DOK6: variants seen among roughly 807,000 people sequenced by gnomAD.
DOK6 encodes the protein downstream of tyrosine kinase 6.
In DOK6, 22 loss-of-function variants were observed where a neutral mutation model predicts 44.0. The ratio of observed to expected loss-of-function variants is 0.50; its 90% confidence interval spans 0.36 to 0.71. DOK6 has a LOEUF of 0.71. Ranked by LOEUF, DOK6 falls within the 30% of genes least tolerant of loss-of-function variation. DOK6 has a pLI of 0.00. For synonymous variants in DOK6, 166 were observed against 145.5 expected, an observed-to-expected ratio of 1.14 and a Z score of -1.01; for missense variants, 340 against 416.4, an observed-to-expected ratio of 0.82 and a Z score of 1.60.
At chr18:69,549,434 C>G (rs12185336) in intron 1 of DOK6, among the ~76,000 whole-genome samples, 1 of 151,436 alleles carries the variant, frequency 6.6e-6, no homozygotes, top group African/African-American at 2.4e-5. Flanking sequence ...TGAGAAAATG[C>G]ATGAGATGGG....
At chr18:69,646,068 T>C (rs973164898) in intron 3 of DOK6, among the ~76,000 whole-genome samples, 1 of 152,176 alleles carries the variant, frequency 6.6e-6, no homozygotes, top group Non-Finnish European at 1.5e-5. Context: ...TTCTCTGCAG[T>C]TTTACTAGAG....
intron 1 of DOK6, among the ~76,000 whole-genome samples, chr18:69,480,806 T>C (rs1980396333): frequency 6.6e-6 from 1 of 152,102 alleles, no homozygotes; most frequent in East Asian, 1.9e-4. Flanking sequence ...CAATAATCCA[T>C]GTATGTGATA....
intron 1 of DOK6, among the ~76,000 whole-genome samples, chr18:69,542,944 T>C (rs1398651524): frequency 6.6e-6 from 1 of 151,530 alleles, no homozygotes; most frequent in Non-Finnish European, 1.5e-5. Context: ...ATACTTATTA[T>C]TGCAGTCGAT....
intron 1 of DOK6, among the ~76,000 whole-genome samples, chr18:69,492,421 T>TTA (rs1209428794): frequency 4.6e-5 from 7 of 152,084 alleles, no homozygotes; most frequent in African/African-American, 7.2e-5. Context: ...TTATTTTATT[T>TTA]TATTATTTTT....
intron 1 of DOK6, among the ~76,000 whole-genome samples, chr18:69,479,286 G>A (rs1435946876): frequency 6.6e-6 from 1 of 152,090 alleles, no homozygotes; most frequent in African/African-American, 2.4e-5. Flanking sequence ...AAAAATCAAG[G>A]AAGGGTTCTT....
intron 1 of DOK6, among the ~76,000 whole-genome samples, chr18:69,481,591 G>A (rs987217134): frequency 9.9e-4 from 151 of 152,178 alleles, no homozygotes; most frequent in African/African-American, 3.5e-3. Flanking sequence ...CATGGTGTAT[G>A]TGTGCCACAT....
intron 1 of DOK6, among the ~76,000 whole-genome samples, chr18:69,419,810 T>C (rs1978436126): frequency 6.6e-6 from 1 of 152,152 alleles, no homozygotes; most frequent in Non-Finnish European, 1.5e-5. Flanking sequence ...AATAAACATT[T>C]GTTAAATTGT....
At chr18:69,772,122 A>T (rs574246849) in intron 7 of DOK6, among the ~76,000 whole-genome samples, 1 of 152,006 alleles carries the variant, frequency 6.6e-6, no homozygotes, top group East Asian at 1.9e-4. Context: ...ATGAGCTATG[A>T]TTGTGCCATT....
At chr18:69,636,094 T>G (rs1466001960) in intron 3 of DOK6, among the ~76,000 whole-genome samples, 2 of 152,146 alleles carry the variant, frequency 1.3e-5, no homozygotes, top group African/African-American at 4.8e-5. Flanking sequence ...CACCTAGAGA[T>G]TTGGAATGAG....
chr18:69,623,223 C>G (rs1205868083), intron 3 of DOK6, among the ~76,000 whole-genome samples: 2 of 152,098 alleles, frequency 1.3e-5, no homozygotes, highest in Non-Finnish European at 2.9e-5. Flanking sequence ...ATGAGGCCTC[C>G]CCAGAAGCAG....
rs189310170 is a variant in DOK6 at position 69,805,113 on chromosome 18, T to C, written c.857-36131T>C. The stretch of plus-strand genomic sequence containing the variant: ...AGGAGAGATTCGAAACCCACTCACT[T>C]AGTGATTAGTATGATTAAGAGCTAT... On this transcript the variant is annotated intron_variant, in intron 7 of 7. Coordinates refer to ENST00000382713, the MANE Select transcript of DOK6 (RefSeq NM_152721.6). Among the ~76,000 whole-genome samples, 120 of 152,276 alleles carry C rather than the reference T, an allele frequency of 7.9e-4. No homozygotes were observed. In the Middle Eastern group the frequency reaches 0.037, roughly 47 times the overall value.
chr18:69,464,126 T>C (rs182390889), intron 1 of DOK6, among the ~76,000 whole-genome samples: 649 of 152,034 alleles, frequency 4.3e-3, no homozygotes, highest in Non-Finnish European at 6.2e-3. Context: ...GTAGCACACT[T>C]AATGAGTATA....
At chr18:69,473,685 C>T (rs926206222) in intron 1 of DOK6, among the ~76,000 whole-genome samples, 3 of 152,170 alleles carry the variant, frequency 2.0e-5, no homozygotes, top group African/African-American at 7.2e-5. Context: ...TTTTGAATCC[C>T]TTCAGTGTTA....
chr18:69,819,109 T>G (rs944583919), intron 7 of DOK6, among the ~76,000 whole-genome samples: 1 of 152,188 alleles, frequency 6.6e-6, no homozygotes, highest in Non-Finnish European at 1.5e-5. Flanking sequence ...TACACAAGGG[T>G]ATTAGGCAGT....
At chr18:69,716,242 T>A (rs564858373) in intron 5 of DOK6, among the ~76,000 whole-genome samples, 1 of 152,314 alleles carries the variant, frequency 6.6e-6, no homozygotes, top group East Asian at 1.9e-4. Flanking sequence ...CTGGATTTAT[T>A]GAGGGAATTT....
At chr18:69,792,651 C>G (rs1980634192) in intron 7 of DOK6, among the ~76,000 whole-genome samples, 1 of 151,868 alleles carries the variant, frequency 6.6e-6, no homozygotes, top group African/African-American at 2.4e-5. Flanking sequence ...TAACTTATTC[C>G]TTTTGAATTT....
At chr18:69,432,205 G>C (rs1978825355) in intron 1 of DOK6, among the ~76,000 whole-genome samples, 1 of 152,178 alleles carries the variant, frequency 6.6e-6, no homozygotes, top group Non-Finnish European at 1.5e-5. Flanking sequence ...CACTTTAAAA[G>C]ACCAATGCAT....
At chr18:69,467,804 G>A (rs1186258365) in intron 1 of DOK6, among the ~76,000 whole-genome samples, 1 of 152,044 alleles carries the variant, frequency 6.6e-6, no homozygotes, top group Non-Finnish European at 1.5e-5. Context: ...TTACTATGAA[G>A]TATGCATTAG....
intron 1 of DOK6, among the ~76,000 whole-genome samples, chr18:69,442,065 G>A (rs1266232250): frequency 2.6e-5 from 4 of 152,100 alleles, no homozygotes; most frequent in Admixed American, 2.6e-4. Context: ...TCCAAATTGT[G>A]TACCAATCCT....
Sources: allele counts gnomAD v4.1 joint callset (sites outside exome capture counted in the v4.1 genomes callset), GRCh38; gene constraint gnomAD v4.1.1; transcripts MANE v1.5; gene names NCBI Gene and HGNC (gene_info 2026-07-23, HGNC 2026-07-21).